The following JAK1 variants were observed in gnomAD, a reference collection of about 807,000 sequenced individuals.
JAK1 encodes the protein tyrosine-protein kinase JAK1.
A neutral mutation model predicts 136.6 loss-of-function variants in JAK1; 16 were observed. The ratio of observed to expected loss-of-function variants is 0.12; its 90% CI spans 0.08 to 0.18. The LOEUF (loss-of-function observed/expected upper bound fraction) is 0.18. Ranked by LOEUF, JAK1 falls within the 10% of genes least tolerant of loss-of-function variation. The probability of loss-of-function intolerance (pLI) is 1.00; values close to 1 mark genes in which losing one functional copy is unlikely to be tolerated. For synonymous variants in JAK1, 492 were observed against 519.5 expected, an observed-to-expected ratio of 0.95 and a Z score of 0.72; for missense variants, 859 against 1,450.1, an observed-to-expected ratio of 0.59 and a Z score of 6.62.
At chr1:65,005,474 T>C (rs1301594112) in intron 2 of JAK1, among the ~76,000 whole-genome samples, 1 of 152,238 alleles carries the variant, frequency 6.6e-6, no homozygotes, top group East Asian at 1.9e-4. Context: ...TCTAGTGTTC[T>C]ATAGCACTAT....
chr1:64,952,730 C>T (rs1041017388), intron 1 of JAK1, among the ~76,000 whole-genome samples: 1 of 152,092 alleles, frequency 6.6e-6, no homozygotes, highest in African/African-American at 2.4e-5. Context: ...TAGGGAACTT[C>T]CAGATAACTT....
At chr1:65,047,343 G>A (rs1647193359) in intron 1 of JAK1, among the ~76,000 whole-genome samples, 1 of 152,182 alleles carries the variant, frequency 6.6e-6, no homozygotes, top group African/African-American at 2.4e-5. Context: ...TAAATGGGAT[G>A]ATATTTACCT....
intron 2 of JAK1, among the ~76,000 whole-genome samples, chr1:65,037,619 T>C (rs1022692170): frequency 3.9e-5 from 6 of 152,206 alleles, no homozygotes; most frequent in African/African-American, 1.4e-4. Flanking sequence ...TAATATAAAG[T>C]AACTGTACCC....
In JAK1 at chr1:64,873,907, A is replaced by G. The variant is rs377411785; in HGVS notation, c.330-384T>C. ...CTACCTCGAATCCAAGACCAATTTG[A>G]TTGACATTTTAACATTCCTGCAACT... On this transcript the variant is annotated intron_variant, in intron 4 of 24. Coordinates refer to ENST00000342505, the MANE Select transcript of JAK1 (RefSeq NM_002227.4). Among the ~76,000 whole-genome samples the G allele has an allele frequency of 1.2e-4, 18 of 152,266 alleles. 1 individual carries two copies. The highest frequency in any genetic ancestry group is 3.9e-4 in the Admixed American group (6 of 15,292).
intron 12 of JAK1, among the ~76,000 whole-genome samples, chr1:64,848,859 A>G (rs1214704418): frequency 1.3e-5 from 2 of 152,146 alleles, no homozygotes; most frequent in Non-Finnish European, 2.9e-5. Flanking sequence ...AGGTATATTA[A>G]TTTGCACAAA....
intron 1 of JAK1, among the ~76,000 whole-genome samples, chr1:64,931,607 C>A (rs1645694321): frequency 6.6e-6 from 1 of 152,094 alleles, no homozygotes; most frequent in Admixed American, 6.5e-5. Flanking sequence ...GGAGCTCAGA[C>A]CAGCATTCAG....
At chr1:65,056,534 T>C (rs1021144034) in intron 1 of JAK1, among the ~76,000 whole-genome samples, 1 of 152,180 alleles carries the variant, frequency 6.6e-6, no homozygotes, top group Non-Finnish European at 1.5e-5. Context: ...TTCTTCCCCA[T>C]TGTGTCCCAG....
chr1:65,023,045 C>T (rs1456370807), intron 2 of JAK1: 1 of 152,088 alleles, frequency 6.6e-6, no homozygotes, highest in East Asian at 1.9e-4. Context: ...ATCATTCCAA[C>T]TATTAATTAT....
intron 1 of JAK1, among the ~76,000 whole-genome samples, chr1:64,896,348 A>AT (rs919521472): frequency 6.6e-6 from 1 of 152,158 alleles, no homozygotes; most frequent in African/African-American, 2.4e-5. Flanking sequence ...ATTCCACTTA[A>AT]TTTTTCTGTT....
Position 64,833,286 on chromosome 1 carries a change from C to T in JAK1, c.*1276G>A, listed in dbSNP as rs1251632836. On this transcript the variant is annotated 3_prime_UTR_variant, in exon 25 of 25. Coordinates refer to ENST00000342505, the MANE Select transcript of JAK1 (RefSeq NM_002227.4). Reference sequence around the variant, plus strand: ...GTAAACAAAGTGCATATAGAGTGGCCACAGGTTTGACACAGAGACCTTGGT... The same window carrying T: ...GTAAACAAAGTGCATATAGAGTGGCTACAGGTTTGACACAGAGACCTTGGT... 8.6e-6 allele frequency: 2 copies of T among 231,768 alleles called. No individual in the cohort carries two copies. Among genetic ancestry groups the T allele is most frequent in the Non-Finnish European group, 1.7e-5 (2 of 117,036 alleles). 14.4% of individuals were successfully genotyped at this position (231,768 alleles called of 1,614,324 possible). A position where few individuals can be genotyped will look rare whatever the true frequency, so the allele number is the denominator to read the frequency against.
intron 7 of JAK1, 144 bp downstream of exon 7, chr1:64,866,721 TA>T: frequency 1.6e-6 from 1 of 620,896 alleles, no homozygotes; most frequent in Non-Finnish European, 2.9e-6. Context: ...AGGGATGAAA[TA>T]AAATATGAAT....
chr1:64,983,732 G>T (rs1646572155), intron 2 of JAK1, among the ~76,000 whole-genome samples: 1 of 152,142 alleles, frequency 6.6e-6, no homozygotes, highest in South Asian at 2.1e-4. Context: ...TCCAAAATTA[G>T]AACCCATCAA....
At chr1:64,923,368 C>T (rs1372477960) in intron 1 of JAK1, among the ~76,000 whole-genome samples, 1 of 152,172 alleles carries the variant, frequency 6.6e-6, no homozygotes. Context: ...TACACTGAGA[C>T]CACAAGTGAT....
intron 2 of JAK1, chr1:64,992,675 G>A (rs1257658200): frequency 6.6e-6 from 1 of 152,270 alleles, no homozygotes; most frequent in African/African-American, 2.4e-5. Flanking sequence ...GAATCATGAG[G>A]TCAGGAGATC....
At chr1:64,888,177 T>G (rs1011324774) in intron 1 of JAK1, among the ~76,000 whole-genome samples, 1 of 152,084 alleles carries the variant, frequency 6.6e-6, no homozygotes, top group African/African-American at 2.4e-5. Context: ...TGTTTTTCTG[T>G]TGTTGTTTTG....
In JAK1 at chr1:65,058,304, G is replaced by A. The variant is rs567313979; in HGVS notation, c.-181+9300C>T. ...AGAGAAGCAGAATAACTCTCCCTAT[G>A]CCCCGGGAGAAGTATGACAGAGGTG... On this transcript the variant is annotated intron_variant, in intron 1 of 25. Coordinates refer to the JAK1 transcript ENST00000671954. 1.1e-5 allele frequency: 5 copies of A among 464,930 alleles called. No individual in the cohort carries two copies. In the East Asian group the frequency reaches 2.5e-4, roughly 23 times the overall value. The allele number at this position is 464,930 out of a possible 1,614,324, so 28.8% of individuals were successfully genotyped here.
intron 2 of JAK1, among the ~76,000 whole-genome samples, chr1:65,022,099 C>T (rs1310822938): frequency 1.3e-5 from 2 of 152,186 alleles, no homozygotes; most frequent in African/African-American, 4.8e-5. Flanking sequence ...TGTCATCCTG[C>T]CATCTCATTG....
intron 1 of JAK1, among the ~76,000 whole-genome samples, chr1:64,895,355 C>A (rs928793244): frequency 8.5e-5 from 13 of 152,164 alleles, no homozygotes; most frequent in African/African-American, 3.1e-4. Context: ...ACAAGACCCA[C>A]AAAACAGATT....
intron 2 of JAK1, among the ~76,000 whole-genome samples, chr1:65,029,237 C>T (rs895180838): frequency 3.3e-5 from 5 of 152,060 alleles, no homozygotes; most frequent in Admixed American, 2.6e-4. Flanking sequence ...GCTGGGACTA[C>T]GGACATGCAC....
Sources: allele counts gnomAD v4.1 joint callset (sites outside exome capture counted in the v4.1 genomes callset), GRCh38; gene constraint gnomAD v4.1.1; transcripts MANE v1.5; gene names NCBI Gene and HGNC (gene_info 2026-07-23, HGNC 2026-07-21).